RAPGEF5: variants seen among roughly 807,000 people sequenced by gnomAD.
The protein encoded by RAPGEF5 is M-Ras-regulated GEF.
A neutral mutation model predicts 125.2 loss-of-function variants in RAPGEF5; 65 were observed. The observed-to-expected ratio is 0.52, with a 90% CI of 0.43 to 0.64. The LOEUF is 0.64. RAPGEF5 is among the 30% of genes least tolerant of loss of function. The probability of loss-of-function intolerance (pLI) is 0.00; values close to 1 mark genes in which losing one functional copy is unlikely to be tolerated. For synonymous variants in RAPGEF5, 391 were observed against 385.9 expected (o/e 1.01, Z -0.16); for missense variants, 958 against 1,048.1 (o/e 0.91, Z 1.19).
At chr7:22,128,106 T>C (rs749364173) in intron 24 of RAPGEF5, among the ~76,000 whole-genome samples, 6 of 152,182 alleles carry the variant, frequency 3.9e-5, no homozygotes, top group Non-Finnish European at 7.4e-5. Context: ...AGGCTCAAAC[T>C]GATGTAAGGC....
In RAPGEF5 at chr7:22,286,133, C is replaced by CT. The variant is rs558820094; in HGVS notation, c.747+5041dup. ...ATCAGTAGCGCAATGGATAACGCGT[C>CT]TGACTACGGATCAGAAGAGAGAGAC... On this transcript the variant is annotated intron_variant, in intron 6 of 25. Transcript: ENST00000665637. Among the ~76,000 whole-genome samples, 18 of 152,322 alleles carry CT rather than the reference C, an allele frequency of 1.2e-4. No individual in the cohort carries two copies. In the East Asian group the frequency reaches 3.3e-3, roughly 28 times the overall value.
intron 16 of RAPGEF5, 146 bp from the exon 17 acceptor site, chr7:22,154,750 T>C: frequency 1.3e-6 from 1 of 780,190 alleles, no homozygotes; most frequent in Non-Finnish European, 1.9e-6. Flanking sequence ...GTTAGATTTT[T>C]TATATATGTA....
chr7:22,125,594 A>G lies in RAPGEF5; in HGVS notation c.2536+10T>C, dbSNP rs769579788. Reference sequence around the variant, plus strand: ...CAATTTACATTCCGCACCTGACTTCAATTACTCACCAAACTGGTTAGTCCT... The same window carrying G: ...CAATTTACATTCCGCACCTGACTTCGATTACTCACCAAACTGGTTAGTCCT... On this transcript the variant is annotated intron_variant, in intron 25 of 25. Transcript: ENST00000665637. The G allele has an allele frequency of 9.3e-6, 15 of 1,606,382 alleles. No individual in the cohort carries two copies. Among genetic ancestry groups the G allele is most frequent in the Non-Finnish European group, 1.2e-5 (14 of 1,173,132 alleles).
chr7:22,322,122 G>GT (rs1562528158), intron 1 of RAPGEF5, among the ~76,000 whole-genome samples: 2 of 151,696 alleles, frequency 1.3e-5, no homozygotes, highest in South Asian at 4.2e-4. Context: ...AGTTTTTGGG[G>GT]TTTTTTCTTT....
At chr7:22,324,483 T>C (rs1272360287) in intron 1 of RAPGEF5, among the ~76,000 whole-genome samples, 4 of 152,170 alleles carry the variant, frequency 2.6e-5, no homozygotes, top group Admixed American at 6.5e-5. Flanking sequence ...GTTTTGACAA[T>C]TGTGCTGTGG....
intron 6 of RAPGEF5, among the ~76,000 whole-genome samples, chr7:22,272,072 G>A (rs113376748): frequency 5.7e-4 from 87 of 152,124 alleles, no homozygotes; most frequent in African/African-American, 2.0e-3. Context: ...GGCCGGGCGC[G>A]GTGGCTCATG....
chr7:22,311,287 T>A (rs536203852), intron 3 of RAPGEF5, among the ~76,000 whole-genome samples: 1 of 152,262 alleles, frequency 6.6e-6, no homozygotes, highest in Non-Finnish European at 1.5e-5. Flanking sequence ...ACTGCGGAGA[T>A]TACAGGTATG....
chr7:22,121,989 G>A lies in RAPGEF5; in HGVS notation c.*417C>T, dbSNP rs1218881143. ...AAGAATGACTTCTTTGACAGCTTAT[G>A]GACAGTAATCTAAAACTAGGCAAAG... On this transcript the variant is annotated 3_prime_UTR_variant, in exon 26 of 26. Coordinates refer to ENST00000665637, the MANE Select transcript of RAPGEF5 (RefSeq NM_012294.5). The A allele has an allele frequency of 5.8e-6, 1 of 173,354 alleles. No individual in the cohort carries two copies. Among genetic ancestry groups the A allele is most frequent in the East Asian group, 1.4e-4 (1 of 7,178 alleles). 10.7% of individuals were successfully genotyped at this position (173,354 alleles called of 1,614,324 possible).
At chr7:22,293,841 C>T (rs948608694) in intron 5 of RAPGEF5, among the ~76,000 whole-genome samples, 1 of 152,168 alleles carries the variant, frequency 6.6e-6, no homozygotes, top group Non-Finnish European at 1.5e-5. Flanking sequence ...CTTTCTTTCA[C>T]CACTACGGTC....
At chr7:22,274,543 T>TTGTTATGAGCCCA (rs1351653785) in intron 6 of RAPGEF5, among the ~76,000 whole-genome samples, 1 of 152,008 alleles carries the variant, frequency 6.6e-6, no homozygotes, top group Non-Finnish European at 1.5e-5. Flanking sequence ...TTGCCCAGAC[T>TTGTTATGAGCCCA]GGTCTTAAAC....
rs551046600 is a variant in RAPGEF5 at position 22,304,982 on chromosome 7, C to CT, written c.680+3356dup. On this transcript the variant is annotated intron_variant, in intron 5 of 25. Transcript: ENST00000665637. The stretch of plus-strand genomic sequence containing the variant: ...CATAATCATTTCACCAGAGCTTAGT[C>CT]TAACACTTTTATAGCTTCTGTTTAT... Among the ~76,000 whole-genome samples the CT allele has an allele frequency of 3.0e-3, 455 of 152,312 alleles. 4 individuals are homozygous for CT. The highest frequency in any genetic ancestry group is 9.8e-3 in the African/African-American group (408 of 41,554).
At chr7:22,330,046 G>A (rs1195203240) in intron 1 of RAPGEF5, among the ~76,000 whole-genome samples, 1 of 152,018 alleles carries the variant, frequency 6.6e-6, no homozygotes, top group Non-Finnish European at 1.5e-5. Flanking sequence ...AAGCTATGAA[G>A]CAACATAACA....
intron 18 of RAPGEF5, among the ~76,000 whole-genome samples, chr7:22,149,998 A>C (rs1783569358): frequency 6.6e-6 from 1 of 151,990 alleles, no homozygotes; most frequent in Admixed American, 6.6e-5. Flanking sequence ...TCATTGGATA[A>C]GGGAAGAAAT....
chr7:22,200,489 T>C (rs1431745520), intron 9 of RAPGEF5, among the ~76,000 whole-genome samples: 2 of 152,180 alleles, frequency 1.3e-5, no homozygotes, highest in African/African-American at 4.8e-5. Context: ...AGTATTTAGA[T>C]AACGACAATT....
chr7:22,186,204 A>T (rs531676145), intron 11 of RAPGEF5, among the ~76,000 whole-genome samples: 2 of 152,326 alleles, frequency 1.3e-5, no homozygotes, highest in Non-Finnish European at 2.9e-5. Context: ...AGATGGTAAA[A>T]GGCTGATATC....
intron 19 of RAPGEF5, 42 bp from the exon 20 acceptor site, chr7:22,145,264 A>C (rs1212036563): frequency 6.5e-7 from 1 of 1,545,428 alleles, no homozygotes; most frequent in Non-Finnish European, 8.8e-7. Flanking sequence ...TTTATAGCAA[A>C]GTATGGTTGA....
intron 11 of RAPGEF5, among the ~76,000 whole-genome samples, chr7:22,170,882 C>G (rs990306362): frequency 1.3e-5 from 2 of 152,066 alleles, no homozygotes; most frequent in Admixed American, 6.6e-5. Context: ...AGTTGAAGTC[C>G]TAATAAAGAA....
chr7:22,301,945 T>G (rs2128150556), intron 5 of RAPGEF5, among the ~76,000 whole-genome samples: 1 of 152,322 alleles, frequency 6.6e-6, no homozygotes, highest in East Asian at 1.9e-4. Flanking sequence ...CTGTATGAAC[T>G]GAGCTCAACC....
chr7:22,130,896 T>C (rs924098091), intron 24 of RAPGEF5, 141 bp downstream of exon 24: 1 of 1,212,622 alleles, frequency 8.2e-7, no homozygotes, highest in Non-Finnish European at 1.1e-6. Flanking sequence ...AATAAGCTCC[T>C]TGAATGAAGC....
Sources: allele counts gnomAD v4.1 joint callset (sites outside exome capture counted in the v4.1 genomes callset), GRCh38; gene constraint gnomAD v4.1.1; transcripts MANE v1.5; gene names NCBI Gene and HGNC (gene_info 2026-07-23, HGNC 2026-07-21).